OVCH2: variants seen among roughly 807,000 people sequenced by gnomAD.
OVCH2 encodes ovochymase 2, also known as ovochymase-2.
A neutral mutation model predicts 73.7 loss-of-function variants in OVCH2; 88 were observed. The ratio of observed to expected loss-of-function variants is 1.19; its 90% CI spans 1.01 to 1.43. The LOEUF (loss-of-function observed/expected upper bound fraction) is 1.43, where lower values mean the gene tolerates loss of function less well. Among genes scored for constraint, OVCH2 ranks in the 40% most tolerant of loss-of-function variants. OVCH2 has a pLI of 0.00. For synonymous variants in OVCH2, 265 were observed against 234.5 expected, an observed-to-expected ratio of 1.13 and a Z score of -1.19; for missense variants, 706 against 674.5, an observed-to-expected ratio of 1.05 and a Z score of -0.52.
chr11:7,691,991 G>T lies in OVCH2; in HGVS notation c.1418C>A (p.Ser473Ter). 1 of 1,562,330 alleles carries T rather than the reference G, an allele frequency of 6.4e-7. No homozygotes were observed. The highest frequency in any genetic ancestry group is 8.7e-7 in the Non-Finnish European group (1 of 1,151,570). ...QASKHHLIKL[S>*]FQSLEIEESG... ...TTCTTCTATTTCCAGACTCTGAAAT[G>T]AAAGCTGAGAAGACACGAAGTTACA... is the stretch of plus-strand genomic sequence containing the variant. The change falls in exon 13 of 16, where the codon TCA becomes TAA. Residue 473 changes from serine to a stop codon, truncating the protein, a stop_gained. Coordinates refer to ENST00000533663, the MANE Select transcript of OVCH2 (RefSeq NM_198185.7). LOFTEE classifies it high-confidence loss of function.
downstream of OVCH2, among the ~76,000 whole-genome samples, chr11:7,685,649 T>C (rs868110361): frequency 0.27 from 40,974 of 150,914 alleles, 7,369 homozygotes; most frequent in African/African-American, 0.52. Flanking sequence ...CCGGTCGGTG[T>C]CCAGCCACAG....
chr11:7,705,159 C>T (rs1856509779), intron 1 of OVCH2: 1 of 152,396 alleles, frequency 6.6e-6, no homozygotes, highest in African/African-American at 2.4e-5. Context: ...CACCATGCTT[C>T]ATTGCCTACC....
At chr11:7,688,469 C>G (rs1393814912), downstream of OVCH2, among the ~76,000 whole-genome samples, 1 of 152,142 alleles carries the variant, frequency 6.6e-6, no homozygotes. Flanking sequence ...TGCAGCCACA[C>G]TTTACAAAAA....
intron 14 of OVCH2, among the ~76,000 whole-genome samples, chr11:7,690,452 G>C (rs539302004): frequency 1.3e-5 from 2 of 151,992 alleles, no homozygotes; most frequent in Non-Finnish European, 2.9e-5. Context: ...TTTTCCCTTA[G>C]TAGGGTTGAA....
At position 7,695,045 on chromosome 11, in the gene OVCH2, C is replaced by A; in HGVS notation, c.1413+13G>T. 6.5e-7 allele frequency: 1 copy of A among 1,547,718 alleles called. No homozygotes were observed. Among genetic ancestry groups the A allele is most frequent in the South Asian group, 1.2e-5 (1 of 82,716 alleles). On this transcript the variant is annotated intron_variant, in intron 12 of 15. Transcript: ENST00000533663. Reference sequence around the variant, plus strand: ...ATTTACCATAGCTACGTAAGGACAGCCAAAGTCAATACCTTAATTAGGTGA... The same window carrying A: ...ATTTACCATAGCTACGTAAGGACAGACAAAGTCAATACCTTAATTAGGTGA...
chr11:7,704,266 T>A (rs1328256742), intron 2 of OVCH2, among the ~76,000 whole-genome samples: 2 of 152,220 alleles, frequency 1.3e-5, no homozygotes, highest in Non-Finnish European at 2.9e-5. Flanking sequence ...ACCACTTTTC[T>A]CATACTCTTA....
intron 7 of OVCH2, 163 bp downstream of exon 7, chr11:7,700,131 CTT>C (rs1244889185): frequency 9.1e-6 from 6 of 657,132 alleles, no homozygotes; most frequent in African/African-American, 5.4e-5. Context: ...ATATTTTACT[CTT>C]GTTTTATTTA....
At chr11:7,696,404 C>G in intron 10 of OVCH2, 61 bp downstream of exon 10, 12 of 1,598,708 alleles carry the variant, frequency 7.5e-6, no homozygotes, top group South Asian at 2.2e-5. Flanking sequence ...CATAAGATAA[C>G]TAGGCCTCAT....
chr11:7,692,496 T>C (rs1478532826), intron 12 of OVCH2, among the ~76,000 whole-genome samples: 1 of 152,176 alleles, frequency 6.6e-6, no homozygotes, highest in Non-Finnish European at 1.5e-5. Context: ...CTCACCTGCT[T>C]TGTCCTGTTG....
the OVCH2 span, among the ~76,000 whole-genome samples, chr11:7,683,791 C>CT: frequency 6.6e-6 from 1 of 152,274 alleles, no homozygotes; most frequent in Non-Finnish European, 1.5e-5. Context: ...TCGTACTTGC[C>CT]TTTCATTCCT....
chr11:7,681,553 C>T, the OVCH2 span, among the ~76,000 whole-genome samples: 2 of 152,126 alleles, frequency 1.3e-5, no homozygotes, highest in Admixed American at 6.5e-5. Context: ...TCCTGTAGAA[C>T]CTTCCACACC....
chr11:7,685,221 G>A (rs911725580), downstream of OVCH2, among the ~76,000 whole-genome samples: 1 of 152,086 alleles, frequency 6.6e-6, no homozygotes, highest in Non-Finnish European at 1.5e-5. Context: ...GGGACATGCT[G>A]CTCCTGGTAG....
intron 3 of OVCH2, among the ~76,000 whole-genome samples, chr11:7,702,671 T>C (rs1856466620): frequency 6.6e-6 from 1 of 152,216 alleles, no homozygotes; most frequent in Admixed American, 6.5e-5. Flanking sequence ...GAGGTTGACC[T>C]GACCTAATAT....
At chr11:7,696,931 T>C in intron 8 of OVCH2, 132 bp from the exon 9 acceptor site, 1 of 811,010 alleles carries the variant, frequency 1.2e-6, no homozygotes. Context: ...TGAAATCTTC[T>C]CCTGTCTTTG....
chr11:7,696,503 C>G lies in OVCH2; in HGVS notation c.1103G>C (p.Ser368Thr), dbSNP rs535479109. Residue 368 changes from serine to threonine, a missense_variant, in exon 10 of 16, where the codon AGT becomes ACT. By Grantham distance (58) the Ser-to-Thr change is moderately conservative. Coordinates refer to ENST00000533663, the MANE Select transcript of OVCH2 (RefSeq NM_198185.7). ...SHLDVESCHH[S>T]YLSMYSLEDR... ...TTCTAAAGAATACATTGACAGGTAACTGTGGTGACAAGACTCAACATCTAG... is the reference window on the plus strand; with the variant it reads ...TTCTAAAGAATACATTGACAGGTAAGTGTGGTGACAAGACTCAACATCTAG... The G allele has an allele frequency of 8.1e-6, 13 of 1,614,006 alleles. No homozygotes were observed. In the African/African-American group the frequency reaches 9.3e-5, roughly 12 times the overall value.
chr11:7,699,505 G>A (rs1856395331), intron 7 of OVCH2: 1 of 152,164 alleles, frequency 6.6e-6, no homozygotes, highest in African/African-American at 2.4e-5. Flanking sequence ...CAAAGTAAAT[G>A]CTATGTAAAT....
chr11:7,688,258 G>C (rs1019553298), downstream of OVCH2, among the ~76,000 whole-genome samples: 2 of 151,984 alleles, frequency 1.3e-5, no homozygotes, highest in Non-Finnish European at 2.9e-5. Flanking sequence ...CCCATCCCAG[G>C]CTTGATTCTT....
At chr11:7,691,430 T>G (rs4520590) in intron 13 of OVCH2, 30 bp from the exon 14 acceptor site, 229,854 of 1,591,768 alleles carry the variant, frequency 0.14, 17,454 homozygotes, top group African/African-American at 0.25. Context: ...GGCATGACAT[T>G]GTCAAGCACC....
intron 10 of OVCH2, 84 bp from the exon 11 acceptor site, chr11:7,695,794 A>G (rs538514414): frequency 4.8e-5 from 73 of 1,518,814 alleles, no homozygotes; most frequent in Admixed American, 1.6e-4. Context: ...TGAATTTGCC[A>G]TGATATTTCA....
Sources: gnomAD v4.1 joint callset for allele counts (sites outside exome capture counted in the v4.1 genomes callset) on GRCh38, gnomAD v4.1.1 for gene constraint, MANE v1.5 for transcripts, NCBI Gene and HGNC (gene_info 2026-07-23, HGNC 2026-07-21) for gene names.